Variants in MAD1L1 observed in about 807,000 individuals in gnomAD.
MAD1L1 encodes the protein mitotic arrest deficient 1 like 1.
A neutral mutation model predicts 96.9 loss-of-function variants in MAD1L1; 95 were observed. The observed-to-expected ratio is 0.98, with a 90% confidence interval of 0.83 to 1.16. The LOEUF (loss-of-function observed/expected upper bound fraction) is 1.16, where lower values mean the gene tolerates loss of function less well. MAD1L1 is among the 50% of genes most tolerant of loss of function. MAD1L1 has a pLI of 0.00. For missense variants in MAD1L1, 1,007 were observed against 954.4 expected, an observed-to-expected ratio of 1.06 and a Z score of -0.73; for synonymous variants, 473 against 396.6, an observed-to-expected ratio of 1.19 and a Z score of -2.29.
chr7:2,026,172 C>T (rs73047007), intron 12 of MAD1L1, among the ~76,000 whole-genome samples: 5,222 of 152,150 alleles, frequency 0.034, 190 homozygotes, highest in Admixed American at 0.095. Flanking sequence ...CTGACATACC[C>T]GTATTAATAT....
At chr7:2,034,309 C>T (rs1029233079) in intron 12 of MAD1L1, among the ~76,000 whole-genome samples, 9 of 151,712 alleles carry the variant, frequency 5.9e-5, no homozygotes, top group Non-Finnish European at 8.8e-5. Flanking sequence ...CTTTGTCTCC[C>T]GGGTTCAAGC....
At chr7:1,908,388 G>A (rs1321899401) in intron 17 of MAD1L1, among the ~76,000 whole-genome samples, 1 of 152,092 alleles carries the variant, frequency 6.6e-6, no homozygotes, top group Non-Finnish European at 1.5e-5. Flanking sequence ...AGTTGTGTTT[G>A]TTTTGTTTTT....
At chr7:1,828,932 C>T (rs373159710) in intron 18 of MAD1L1, among the ~76,000 whole-genome samples, 20 of 152,176 alleles carry the variant, frequency 1.3e-4, no homozygotes, top group Admixed American at 6.5e-4. Flanking sequence ...ACAACAAGTA[C>T]GGGGGACGGA....
At chr7:1,852,955 G>A (rs1784055213) in intron 18 of MAD1L1, among the ~76,000 whole-genome samples, 1 of 152,216 alleles carries the variant, frequency 6.6e-6, no homozygotes, top group South Asian at 2.1e-4. Flanking sequence ...TGCTCCTCTA[G>A]CACGCACCAA....
In MAD1L1 at chr7:2,060,936, TG is replaced by T. The variant is rs568617673; in HGVS notation, c.1218+8257del. 2.6e-4 allele frequency among the ~76,000 whole-genome samples: 39 copies of T among 151,886 alleles called. No homozygotes were observed. The East Asian group carries it at 7.5e-3, about 29-fold the overall frequency. On this transcript the variant is annotated intron_variant, in intron 12 of 18. Transcript: ENST00000265854. ...AACATCAACAGAGAAATTCCGAGAGTGAAAAAGCAAACCACAGGCTACGAGA... is the reference window on the plus strand; with the variant it reads ...AACATCAACAGAGAAATTCCGAGAGTAAAAAGCAAACCACAGGCTACGAGA...
chr7:2,206,419 G>T (rs902198480), intron 10 of MAD1L1, among the ~76,000 whole-genome samples: 1 of 152,164 alleles, frequency 6.6e-6, no homozygotes, highest in Admixed American at 6.5e-5. Context: ...CTAGCTTCCA[G>T]ATTTTGTGAC....
intron 17 of MAD1L1, among the ~76,000 whole-genome samples, chr7:1,907,442 C>T (rs1237907876): frequency 6.6e-6 from 1 of 152,234 alleles, no homozygotes; most frequent in Non-Finnish European, 1.5e-5. Context: ...GATTTTCAGG[C>T]TTTAAAAAAC....
chr7:2,086,101 C>T (rs1052174144), intron 11 of MAD1L1, among the ~76,000 whole-genome samples: 3 of 152,216 alleles, frequency 2.0e-5, no homozygotes, highest in African/African-American at 7.2e-5. Flanking sequence ...GACCCGTCAC[C>T]TCCCTCCCTC....
intron 11 of MAD1L1, among the ~76,000 whole-genome samples, chr7:2,070,302 AG>A (rs1785063320): frequency 6.6e-6 from 1 of 152,084 alleles, no homozygotes; most frequent in African/African-American, 2.4e-5. Context: ...TCCTCACGGG[AG>A]GGGCTCCCAG....
chr7:2,016,836 C>A (rs912745042), intron 12 of MAD1L1, among the ~76,000 whole-genome samples: 10 of 152,376 alleles, frequency 6.6e-5, no homozygotes, highest in Admixed American at 1.3e-4. Flanking sequence ...TTTGTTTGCA[C>A]AGGAAGGTTT....
chr7:2,191,891 C>T (rs1279375851), intron 10 of MAD1L1, among the ~76,000 whole-genome samples: 2 of 151,802 alleles, frequency 1.3e-5, no homozygotes, highest in African/African-American at 4.8e-5. Flanking sequence ...ACTAGCCGGG[C>T]GCAGTGGCAG....
chr7:2,002,116 C>T lies in MAD1L1; in HGVS notation c.1365G>A (p.Gln455=), dbSNP rs1781824885. 4 of 1,613,052 alleles carry T rather than the reference C, an allele frequency of 2.5e-6. No homozygotes were observed. Among genetic ancestry groups the T allele is most frequent in the African/African-American group, 1.3e-5 (1 of 75,070 alleles). ...CCAGCTCCTCCAGGGCCTGCGACAG[C>T]TGAGCCTGCAAGACAAGACAGGATT... The part of the protein sequence containing the change: ...VHSHSAEMEA[Q]LSQALEELGG... Residue 455 remains glutamine, a synonymous_variant, in exon 14 of 19, where the codon CAG becomes CAA. Transcript: ENST00000265854.
chr7:2,151,892 G>A (rs1450546518), intron 10 of MAD1L1, among the ~76,000 whole-genome samples: 2 of 152,350 alleles, frequency 1.3e-5, no homozygotes, highest in Non-Finnish European at 2.9e-5. Flanking sequence ...TGGGGTCAAC[G>A]CCTCATTCTG....
intron 18 of MAD1L1, among the ~76,000 whole-genome samples, chr7:1,879,456 CAAA>C (rs58872674): frequency 2.4e-4 from 31 of 129,982 alleles, no homozygotes; most frequent in African/African-American, 4.1e-4. Context: ...ACTTCATCTC[CAAA>C]AAAAAAAAAA....
Position 2,088,006 on chromosome 7 carries a change from C to T in MAD1L1, c.1074-18668G>A, listed in dbSNP as rs1786011213. The stretch of plus-strand genomic sequence containing the variant: ...CTGCCACTTCCCCTCTCACAGCTAA[C>T]TGGATCCGTTTCCCAGCAGATCGAG... On this transcript the variant is annotated intron_variant, in intron 11 of 18. Transcript: ENST00000265854. The surrounding 1 kb of genome is among the most constrained non-coding windows in gnomAD (Gnocchi z 4.4). 6.6e-6 allele frequency among the ~76,000 whole-genome samples: 1 copy of T among 152,236 alleles called. No homozygotes were observed. The highest frequency in any genetic ancestry group is 1.5e-5 in the Non-Finnish European group (1 of 68,046).
intron 18 of MAD1L1, among the ~76,000 whole-genome samples, chr7:1,876,186 T>C (rs1785378626): frequency 6.6e-6 from 1 of 152,156 alleles, no homozygotes; most frequent in African/African-American, 2.4e-5. Flanking sequence ...AACGTACTTA[T>C]GCGGGAGGAT....
chr7:2,181,008 T>C (rs1259021384), intron 10 of MAD1L1, among the ~76,000 whole-genome samples: 1 of 152,254 alleles, frequency 6.6e-6, no homozygotes, highest in Non-Finnish European at 1.5e-5. Context: ...TACCGGAGAA[T>C]CCTGACGGAC....
At chr7:2,231,204 A>T (rs1229642692) in intron 1 of MAD1L1, among the ~76,000 whole-genome samples, 1 of 152,140 alleles carries the variant, frequency 6.6e-6, no homozygotes, top group Non-Finnish European at 1.5e-5. Flanking sequence ...AGGCTGTGGC[A>T]CAAGAATCGC....
intron 18 of MAD1L1, among the ~76,000 whole-genome samples, chr7:1,887,854 T>TGCAC (rs1583663050): frequency 1.2e-4 from 3 of 25,238 alleles, no homozygotes; most frequent in African/African-American, 8.8e-4. Context: ...TGTGCGTGTG[T>TGCAC]GTGTGCACGT....
Sources: gnomAD v4.1 joint callset for allele counts (sites outside exome capture counted in the v4.1 genomes callset) on GRCh38, gnomAD v4.1.1 for gene constraint, Gnocchi (gnomAD v3.1) non-coding constraint, MANE v1.5 for transcripts, NCBI Gene and HGNC (gene_info 2026-07-23, HGNC 2026-07-21) for gene names.